The following CUEDC1 variants were observed in gnomAD, a reference collection of about 807,000 sequenced individuals.
The protein encoded by CUEDC1 is CUE domain containing 1, also known as CUE domain-containing protein 1.
In CUEDC1, 30 loss-of-function variants were observed where a neutral mutation model predicts 43.7. That is an observed-to-expected ratio of 0.69 (90% confidence interval 0.51 to 0.93). The LOEUF is 0.93. CUEDC1 is among the 40% of genes least tolerant of loss of function. The pLI is 0.00. For missense variants in CUEDC1, 486 were observed against 549.0 expected (o/e 0.89, Z 1.15); for synonymous variants, 223 against 223.6 (o/e 1.00, Z 0.02).
chr17:57,879,629 G>C lies in CUEDC1; in HGVS notation c.446C>G (p.Pro149Arg). 1 of 1,593,620 alleles carries C rather than the reference G, an allele frequency of 6.3e-7. No homozygotes were observed. The highest frequency in any genetic ancestry group is 8.5e-7 in the Non-Finnish European group (1 of 1,173,322). Residue 149 changes from proline (P) to arginine (R), a missense_variant, in exon 3 of 11, where the codon CCC (proline) becomes CGC (arginine). Pro to Arg is a moderately radical substitution (Grantham distance 103, BLOSUM62 -2). Coordinates refer to ENST00000577830, the MANE Select transcript of CUEDC1 (RefSeq NM_001271875.2). ...HVFDRPYPLA[P>R]PTPPPRIDAL... Reference sequence around the variant, plus strand: ...TTCTCACCGGGGAGGCGGAGTCGGGGGAGCCAGAGGGTAGGGCCGGTCGAA... The same window carrying C: ...TTCTCACCGGGGAGGCGGAGTCGGGCGAGCCAGAGGGTAGGGCCGGTCGAA...
intron 2 of CUEDC1, among the ~76,000 whole-genome samples, chr17:57,882,839 T>C (rs1013293078): frequency 1.3e-5 from 2 of 152,228 alleles, no homozygotes; most frequent in Non-Finnish European, 2.9e-5. Context: ...ATATGATACA[T>C]ACAACACACA....
At chr17:57,926,448 A>G (rs1412810023) in intron 1 of CUEDC1, among the ~76,000 whole-genome samples, 1 of 152,044 alleles carries the variant, frequency 6.6e-6, no homozygotes, top group Non-Finnish European at 1.5e-5. Context: ...ATACTACATC[A>G]AAACATTTAC....
chr17:57,867,427 T>C lies in CUEDC1; in HGVS notation c.1035-12A>G, dbSNP rs749182058. 6.4e-7 allele frequency: 1 copy of C among 1,552,152 alleles called. No homozygotes were observed. Among genetic ancestry groups the C allele is most frequent in the South Asian group, 1.2e-5 (1 of 84,116 alleles). Reference sequence around the variant, plus strand: ...CGGCAGCCCCCAGCCTGCCAGGCCATTCAGGAAAACCGTCCCAGGGATGAG... The same window carrying C: ...CGGCAGCCCCCAGCCTGCCAGGCCACTCAGGAAAACCGTCCCAGGGATGAG... On this transcript the variant is annotated splice_polypyrimidine_tract_variant and intron_variant, in intron 8 of 10. Transcript: ENST00000577830.
chr17:57,864,314 G>A (rs992001070), intron 10 of CUEDC1, among the ~76,000 whole-genome samples: 4 of 152,228 alleles, frequency 2.6e-5, no homozygotes, highest in Non-Finnish European at 5.9e-5. Context: ...TTCAGATGTA[G>A]GAGCCAGATG....
intron 1 of CUEDC1, among the ~76,000 whole-genome samples, chr17:57,916,323 G>A (rs1041811787): frequency 5.3e-5 from 8 of 152,244 alleles, no homozygotes; most frequent in Admixed American, 1.3e-4. Context: ...GCCATGCAGC[G>A]GGGTCTCCCA....
chr17:57,915,250 G>C (rs1858077465), intron 1 of CUEDC1: 1 of 121,562 alleles, frequency 8.2e-6, no homozygotes, highest in South Asian at 2.5e-4. Context: ...TCATTTCCTA[G>C]GACAGATCCC....
chr17:57,950,454 CTTTTT>C (rs1033356103), intron 1 of CUEDC1, among the ~76,000 whole-genome samples: 3 of 149,850 alleles, frequency 2.0e-5, no homozygotes, highest in African/African-American at 7.4e-5. Flanking sequence ...TGTCCAGCCT[CTTTTT>C]TATTTTTTTA....
At chr17:57,890,115 A>AGAGGTTGG (rs763271238) in intron 1 of CUEDC1, among the ~76,000 whole-genome samples, 11 of 152,208 alleles carry the variant, frequency 7.2e-5, no homozygotes, top group Non-Finnish European at 1.3e-4. Context: ...ACCATTTCAG[A>AGAGGTTGG]GAGGTTGGGT....
At position 57,940,356 on chromosome 17, in the gene CUEDC1, G is replaced by A. The variant is rs117465706; in HGVS notation, c.-316+14869C>T. 3.5e-4 allele frequency among the ~76,000 whole-genome samples: 53 copies of A among 152,134 alleles called. No homozygotes were observed. The East Asian group carries it at 7.9e-3, about 23-fold the overall frequency. On this transcript the variant is annotated intron_variant, in intron 1 of 10. Coordinates refer to ENST00000577830, the MANE Select transcript of CUEDC1 (RefSeq NM_001271875.2). ...AATTCAAAATCCTCTCCTTTAGATCGGCAAAGACAGCTCTTCTCTCCTCTA... is the reference window on the plus strand; with the variant it reads ...AATTCAAAATCCTCTCCTTTAGATCAGCAAAGACAGCTCTTCTCTCCTCTA...
At chr17:57,893,153 G>A (rs924239506) in intron 1 of CUEDC1, among the ~76,000 whole-genome samples, 1 of 152,232 alleles carries the variant, frequency 6.6e-6, no homozygotes, top group African/African-American at 2.4e-5. Flanking sequence ...AACCATGGTT[G>A]AGTCCTGCGG....
intron 3 of CUEDC1, 109 bp from the exon 4 acceptor site, chr17:57,873,826 C>T (rs1262913177): frequency 8.6e-7 from 1 of 1,160,620 alleles, no homozygotes; most frequent in Admixed American, 3.0e-5. Flanking sequence ...TCAGAGATTC[C>T]CATGGCCTCC....
intron 7 of CUEDC1, among the ~76,000 whole-genome samples, chr17:57,868,688 A>C (rs1344077660): frequency 1.3e-5 from 2 of 152,098 alleles, no homozygotes; most frequent in African/African-American, 2.4e-5. Context: ...CCTCATTCAC[A>C]CATGGCTGTG....
intron 1 of CUEDC1, among the ~76,000 whole-genome samples, chr17:57,950,865 T>C (rs886838951): frequency 6.6e-6 from 1 of 152,224 alleles, no homozygotes; most frequent in African/African-American, 2.4e-5. Context: ...TCTGGACCAA[T>C]GTTAGTATTA....
chr17:57,931,367 C>T (rs780381768), intron 1 of CUEDC1, among the ~76,000 whole-genome samples: 4 of 152,136 alleles, frequency 2.6e-5, no homozygotes, highest in Non-Finnish European at 4.4e-5. Flanking sequence ...CCATTCATTC[C>T]GGGCAGTCGC....
chr17:57,875,562 A>G (rs887596812), intron 3 of CUEDC1, among the ~76,000 whole-genome samples: 1 of 152,112 alleles, frequency 6.6e-6, no homozygotes, highest in Admixed American at 6.5e-5. Flanking sequence ...AATGTCAGAA[A>G]TGAGCTGAGA....
chr17:57,909,445 T>C (rs971221872), intron 1 of CUEDC1, among the ~76,000 whole-genome samples: 6 of 152,230 alleles, frequency 3.9e-5, no homozygotes, highest in African/African-American at 1.4e-4. Context: ...AGCTTTATTA[T>C]GACTTTCTGA....
chr17:57,949,370 C>G (rs530237859), intron 1 of CUEDC1, among the ~76,000 whole-genome samples: 48 of 152,152 alleles, frequency 3.2e-4, no homozygotes, highest in African/African-American at 1.1e-3. Flanking sequence ...CAGGATGGGC[C>G]CCAGCAGAGT....
intron 1 of CUEDC1, among the ~76,000 whole-genome samples, chr17:57,925,832 C>T (rs577920634): frequency 9.2e-5 from 14 of 152,320 alleles, no homozygotes; most frequent in South Asian, 2.1e-4. Flanking sequence ...ATTACAGGGC[C>T]GTCCTCCCTT....
At chr17:57,888,036 G>C (rs1376816470) in intron 1 of CUEDC1, among the ~76,000 whole-genome samples, 1 of 151,146 alleles carries the variant, frequency 6.6e-6, no homozygotes, top group East Asian at 2.0e-4. Flanking sequence ...GAGTAGCTGG[G>C]ACTACAGGCA....
Sources: allele counts gnomAD v4.1 joint callset (sites outside exome capture counted in the v4.1 genomes callset), GRCh38; gene constraint gnomAD v4.1.1; transcripts MANE v1.5; gene names NCBI Gene and HGNC (gene_info 2026-07-23, HGNC 2026-07-21).